The following RNLS variants were observed in gnomAD, a reference collection of about 807,000 sequenced individuals.
RNLS encodes the protein renalase.
RNLS carries 39 observed loss-of-function variants against 39.8 expected under a neutral mutation model. The observed-to-expected ratio is 0.98, with a 90% CI of 0.76 to 1.28. RNLS has a LOEUF of 1.28. RNLS is among the 50% of genes most tolerant of loss of function. The pLI is 0.00. For missense variants in RNLS, 410 were observed against 413.3 expected, an observed-to-expected ratio of 0.99 and a Z score of 0.07; for synonymous variants, 147 against 150.7, an observed-to-expected ratio of 0.98 and a Z score of 0.18.
At chr10:88,349,759 A>G (rs957891227) in intron 5 of RNLS, among the ~76,000 whole-genome samples, 2 of 151,502 alleles carry the variant, frequency 1.3e-5, no homozygotes, top group African/African-American at 2.4e-5. Context: ...TACATTGTGT[A>G]TATATATATA....
At chr10:88,279,191 G>A (rs186583616), downstream of RNLS, among the ~76,000 whole-genome samples, 22 of 152,222 alleles carry the variant, frequency 1.4e-4, no homozygotes, top group East Asian at 2.9e-3. Context: ...CTACCTTAAG[G>A]TGGCACTTAA....
chr10:88,514,067 A>C (rs1241033239), intron 4 of RNLS, among the ~76,000 whole-genome samples: 1 of 151,600 alleles, frequency 6.6e-6, no homozygotes, highest in African/African-American at 2.4e-5. Context: ...CTACTATCTT[A>C]TATTAGTCTG....
At chr10:88,457,810 C>G (rs1323690066) in intron 4 of RNLS, among the ~76,000 whole-genome samples, 1 of 152,178 alleles carries the variant, frequency 6.6e-6, no homozygotes, top group Non-Finnish European at 1.5e-5. Flanking sequence ...GCCTCCTGAA[C>G]TCTCAAACAG....
rs943147005 is a variant in RNLS at position 88,427,109 on chromosome 10, G to A, written c.527-64384C>T. Reference sequence around the variant, plus strand: ...TTTGCAAAAAGAAAATTGGAGATTCGTGGTTAAATAGAAAGAGGTTTGTTT... The same window carrying A: ...TTTGCAAAAAGAAAATTGGAGATTCATGGTTAAATAGAAAGAGGTTTGTTT... On this transcript the variant is annotated intron_variant, in intron 4 of 6. Coordinates refer to ENST00000331772, the MANE Select transcript of RNLS (RefSeq NM_001031709.3). Among the ~76,000 whole-genome samples the A allele has an allele frequency of 7.9e-5, 12 of 152,086 alleles. No individual in the cohort carries two copies. The South Asian group carries it at 8.3e-4, about 11-fold the overall frequency.
At chr10:88,393,838 A>C (rs1308748700) in intron 4 of RNLS, among the ~76,000 whole-genome samples, 1 of 152,202 alleles carries the variant, frequency 6.6e-6, no homozygotes, top group Non-Finnish European at 1.5e-5. Context: ...CTGGTACCAA[A>C]ACAGAGATAT....
chr10:88,517,238 T>G (rs1290793798), intron 4 of RNLS, among the ~76,000 whole-genome samples: 2 of 151,952 alleles, frequency 1.3e-5, no homozygotes, highest in African/African-American at 4.8e-5. Context: ...TGTACAGAAC[T>G]CCTTTTTATT....
At chr10:88,183,355 A>G in the RNLS span, among the ~76,000 whole-genome samples, 2 of 152,150 alleles carry the variant, frequency 1.3e-5, no homozygotes, top group African/African-American at 4.8e-5. Flanking sequence ...CTTCTTTTTC[A>G]CTTTCACACA....
the RNLS span, among the ~76,000 whole-genome samples, chr10:88,228,760 C>T: frequency 9.9e-5 from 15 of 152,278 alleles, no homozygotes; most frequent in East Asian, 1.5e-3. Flanking sequence ...GGTTTCTTGG[C>T]GGAATTTGAT....
chr10:88,303,615 G>T (rs1844694666), intron 6 of RNLS, among the ~76,000 whole-genome samples: 1 of 152,168 alleles, frequency 6.6e-6, no homozygotes, highest in Non-Finnish European at 1.5e-5. Flanking sequence ...GCTTTGCTTT[G>T]CCGGTGCATG....
chr10:88,556,861 C>T (rs935523787), intron 4 of RNLS, among the ~76,000 whole-genome samples: 3 of 152,118 alleles, frequency 2.0e-5, no homozygotes, highest in African/African-American at 7.2e-5. Flanking sequence ...TCTCTTCCCT[C>T]AGCATGTACC....
intron 5 of RNLS, among the ~76,000 whole-genome samples, chr10:88,326,085 C>T (rs1463107222): frequency 6.6e-6 from 1 of 152,146 alleles, no homozygotes; most frequent in Non-Finnish European, 1.5e-5. Flanking sequence ...TATAAGTTAC[C>T]CAGTCTTGGG....
rs1451436445 is a variant in RNLS, at chr10:88,362,565, C to A, written c.687G>T (p.Lys229Asn). 6.2e-7 allele frequency: 1 copy of A among 1,613,720 alleles called. No individual in the cohort carries two copies. The highest frequency in any genetic ancestry group is 2.2e-5 in the East Asian group (1 of 44,876). ...AGGGGTACTGACCTATATTGCGCTTCTTATTATCAATGGAGACGAAGCGTA... is the reference window on the plus strand; with the variant it reads ...AGGGGTACTGACCTATATTGCGCTTATTATTATCAATGGAGACGAAGCGTA... Reference protein sequence around the residue: ...PCIRFVSIDNKKRNIESSEIG... With the variant: ...PCIRFVSIDNNKRNIESSEIG... Residue 229 changes from lysine (K) to asparagine (N), a missense_variant, in exon 5 of 7, where the codon AAG becomes AAT. Lys to Asn is a moderately conservative substitution (Grantham distance 94). Transcript: ENST00000331772.
At chr10:88,553,408 C>T (rs1404103663) in intron 4 of RNLS, among the ~76,000 whole-genome samples, 1 of 152,160 alleles carries the variant, frequency 6.6e-6, no homozygotes, top group Admixed American at 6.6e-5. Context: ...CAGGTCCCCA[C>T]TTGGCCTCAA....
intron 4 of RNLS, among the ~76,000 whole-genome samples, chr10:88,458,753 A>G (rs956836592): frequency 3.3e-5 from 5 of 152,172 alleles, no homozygotes; most frequent in Admixed American, 2.0e-4. Context: ...AGGAAAAAAA[A>G]CCCATGATAA....
intron 4 of RNLS, among the ~76,000 whole-genome samples, chr10:88,437,184 T>C (rs921760626): frequency 1.6e-4 from 24 of 152,222 alleles, no homozygotes; most frequent in African/African-American, 5.3e-4. Context: ...GATAGACTGT[T>C]GGCCTTCAAT....
intron 4 of RNLS, among the ~76,000 whole-genome samples, chr10:88,469,893 A>T (rs1300444535): frequency 6.8e-6 from 1 of 147,274 alleles, no homozygotes; most frequent in African/African-American, 2.4e-5. Context: ...TCTTACACCT[A>T]AAGTTATGTT....
At chr10:88,331,620 A>G (rs781077553) in intron 5 of RNLS, among the ~76,000 whole-genome samples, 9 of 152,200 alleles carry the variant, frequency 5.9e-5, no homozygotes, top group Non-Finnish European at 8.8e-5. Flanking sequence ...GACTTAGTTC[A>G]GAAAACAGAT....
At chr10:88,391,218 T>G (rs910908628) in intron 4 of RNLS, among the ~76,000 whole-genome samples, 2 of 152,180 alleles carry the variant, frequency 1.3e-5, no homozygotes, top group Admixed American at 1.3e-4. Context: ...GATATTCCTT[T>G]CTTCTTCTTT....
At chr10:88,226,607 T>G in the RNLS span, among the ~76,000 whole-genome samples, 1 of 152,294 alleles carries the variant, frequency 6.6e-6, no homozygotes, top group South Asian at 2.1e-4. Flanking sequence ...ACATATCTTA[T>G]AATCAATTCA....
Sources: gnomAD v4.1 joint callset for allele counts (sites outside exome capture counted in the v4.1 genomes callset) on GRCh38, gnomAD v4.1.1 for gene constraint, MANE v1.5 for transcripts, NCBI Gene and HGNC (gene_info 2026-07-23, HGNC 2026-07-21) for gene names.